SLC4A4: variants seen among roughly 807,000 people sequenced by gnomAD.
SLC4A4 encodes solute carrier family 4 member 4.
Under a neutral mutation model 111.5 loss-of-function variants are expected in SLC4A4, and 27 were observed. That is an observed-to-expected ratio of 0.24 (90% CI 0.18 to 0.33). The LOEUF is 0.33. SLC4A4 is among the 10% of genes least tolerant of loss of function. The pLI, the probability that SLC4A4 is intolerant of heterozygous loss-of-function variation, is 1.00. For synonymous variants in SLC4A4, 443 were observed against 463.4 expected (o/e 0.96, Z 0.57); for missense variants, 909 against 1,315.5 (o/e 0.69, Z 4.78).
At chr4:71,473,618 C>T (rs917250563) in intron 14 of SLC4A4, among the ~76,000 whole-genome samples, 2 of 151,714 alleles carry the variant, frequency 1.3e-5, no homozygotes, top group East Asian at 3.9e-4. Context: ...AAAAGTAACT[C>T]CTGGAAAGGA....
At chr4:71,115,773 G>A (rs1219710752) in intron 2 of SLC4A4, among the ~76,000 whole-genome samples, 1 of 152,116 alleles carries the variant, frequency 6.6e-6, no homozygotes, top group Non-Finnish European at 1.5e-5. Context: ...TCAGCAGGTT[G>A]TCTGTTTCTT....
At chr4:71,345,842 T>C (rs1316990132) in intron 4 of SLC4A4, among the ~76,000 whole-genome samples, 1 of 152,168 alleles carries the variant, frequency 6.6e-6, no homozygotes, top group African/African-American at 2.4e-5. Flanking sequence ...TATATAGTTA[T>C]GTCCATGTAG....
At chr4:71,423,616 C>T (rs1278874693) in intron 7 of SLC4A4, among the ~76,000 whole-genome samples, 4 of 152,124 alleles carry the variant, frequency 2.6e-5, no homozygotes, top group Non-Finnish European at 5.9e-5. Flanking sequence ...GTAACCAAAA[C>T]AGCATGGTAC....
intron 2 of SLC4A4, among the ~76,000 whole-genome samples, chr4:71,106,979 A>G (rs1025007349): frequency 6.6e-6 from 1 of 150,966 alleles, no homozygotes; most frequent in Admixed American, 6.6e-5. Flanking sequence ...GAGACTAAAA[A>G]TACAGAGAAA....
intron 5 of SLC4A4, among the ~76,000 whole-genome samples, chr4:71,351,834 G>A (rs1187711896): frequency 1.3e-5 from 2 of 152,186 alleles, no homozygotes; most frequent in Admixed American, 1.3e-4. Flanking sequence ...CCTGAAATCA[G>A]GGTTTGTAAA....
At chr4:71,231,429 CGGCTGGTGAA>C in intron 1 of SLC4A4, among the ~76,000 whole-genome samples, 1 of 152,264 alleles carries the variant, frequency 6.6e-6, no homozygotes, top group East Asian at 1.9e-4. Flanking sequence ...TGATTAGGAC[CGGCTGGTGAA>C]AGCCGGTCCT....
chr4:71,086,774 A>T (rs1040480741), intron 1 of SLC4A4, among the ~76,000 whole-genome samples: 2 of 152,056 alleles, frequency 1.3e-5, no homozygotes, highest in African/African-American at 4.8e-5. Context: ...CGTGGTAGAT[A>T]AGCTTCTTGA....
intron 2 of SLC4A4, among the ~76,000 whole-genome samples, chr4:71,171,654 T>C (rs1407161786): frequency 1.3e-5 from 2 of 152,236 alleles, no homozygotes; most frequent in Non-Finnish European, 2.9e-5. Flanking sequence ...TGGTGGTCCA[T>C]GCTAAAGCAA....
At chr4:71,387,682 C>T (rs192706615) in intron 6 of SLC4A4, among the ~76,000 whole-genome samples, 6 of 152,100 alleles carry the variant, frequency 3.9e-5, no homozygotes, top group Admixed American at 2.0e-4. Flanking sequence ...TTAGTAGAGA[C>T]GGAGTTTCTC....
intron 2 of SLC4A4, among the ~76,000 whole-genome samples, chr4:71,156,026 C>G (rs919080249): frequency 2.0e-5 from 3 of 152,156 alleles, no homozygotes; most frequent in African/African-American, 7.2e-5. Context: ...GCTTTTCATA[C>G]ACGAATTTAA....
chr4:71,068,062 G>GCTT, intron 1 of SLC4A4, among the ~76,000 whole-genome samples: 1 of 136,316 alleles, frequency 7.3e-6, no homozygotes, highest in South Asian at 2.2e-4. Context: ...TTGAACAAAC[G>GCTT]TTTTTTTTTT....
chr4:71,171,336 A>C (rs537134394), intron 2 of SLC4A4, among the ~76,000 whole-genome samples: 1 of 152,070 alleles, frequency 6.6e-6, no homozygotes, highest in African/African-American at 2.4e-5. Flanking sequence ...TTCTTTATGT[A>C]CCTCCTACAG....
intron 3 of SLC4A4, chr4:71,339,028 A>T (rs1220496543): frequency 7.0e-7 from 1 of 1,438,016 alleles, no homozygotes; most frequent in Non-Finnish European, 9.1e-7. Flanking sequence ...TTGTCTTATA[A>T]TTTTGGATGA....
At chr4:71,387,040 C>A (rs1718802555) in intron 6 of SLC4A4, among the ~76,000 whole-genome samples, 2 of 152,168 alleles carry the variant, frequency 1.3e-5, no homozygotes, top group Non-Finnish European at 2.9e-5. Context: ...AATGCTTTGG[C>A]TTCTGGGTAT....
chr4:71,181,536 T>C lies in SLC4A4; in HGVS notation c.-1-55040T>C, dbSNP rs185582215. Among the ~76,000 whole-genome samples, 111 of 152,298 alleles carry C rather than the reference T, an allele frequency of 7.3e-4. 1 individual carries two copies. Among genetic ancestry groups the C allele is most frequent in the Admixed American group, 6.7e-3 (102 of 15,302 alleles). ...CAGATAGAGTCCCAATGTTATTGTG[T>C]AAGAAGAATGATGTCATAAGGAATT... On this transcript the variant is annotated intron_variant, in intron 2 of 26. Coordinates refer to the SLC4A4 transcript ENST00000649996.
intron 3 of SLC4A4, among the ~76,000 whole-genome samples, chr4:71,334,781 G>A (rs1387014984): frequency 6.6e-6 from 1 of 152,232 alleles, no homozygotes; most frequent in Non-Finnish European, 1.5e-5. Context: ...TCACCACTGA[G>A]TTGCTGTCTA....
intron 2 of SLC4A4, among the ~76,000 whole-genome samples, chr4:71,147,145 C>T (rs1263394074): frequency 1.3e-5 from 2 of 152,070 alleles, no homozygotes; most frequent in African/African-American, 4.8e-5. Context: ...ACAAAGAAGG[C>T]CATTACATAA....
chr4:71,199,138 G>T (rs945931721), intron 1 of SLC4A4, among the ~76,000 whole-genome samples: 1 of 152,064 alleles, frequency 6.6e-6, no homozygotes, highest in Non-Finnish European at 1.5e-5. Flanking sequence ...CTTTGATGTC[G>T]TCAGGTGTCA....
At chr4:71,545,952 T>A (rs1447188671) in intron 18 of SLC4A4, among the ~76,000 whole-genome samples, 1 of 152,026 alleles carries the variant, frequency 6.6e-6, no homozygotes, top group Non-Finnish European at 1.5e-5. Context: ...ACAACTACAG[T>A]TTAAATTGCT....
Sources: allele counts gnomAD v4.1 joint callset (sites outside exome capture counted in the v4.1 genomes callset), GRCh38; gene constraint gnomAD v4.1.1; transcripts MANE v1.5; gene names NCBI Gene and HGNC (gene_info 2026-07-23, HGNC 2026-07-21).